CLIP1: variants seen among roughly 807,000 people sequenced by gnomAD.
CLIP1 encodes the protein CAP-Gly domain-containing linker protein 1.
A neutral mutation model predicts 161.6 loss-of-function variants in CLIP1; 66 were observed. The observed-to-expected ratio is 0.41, with a 90% confidence interval of 0.33 to 0.50. CLIP1 has a LOEUF of 0.50. Ranked by LOEUF, CLIP1 falls within the 20% of genes least tolerant of loss-of-function variation. CLIP1 has a pLI of 0.27. For synonymous variants in CLIP1, 598 were observed against 626.2 expected, an observed-to-expected ratio of 0.96 and a Z score of 0.67; for missense variants, 1,376 against 1,702.0, an observed-to-expected ratio of 0.81 and a Z score of 3.37.
chr12:122,312,935 G>A (rs1044312583), intron 19 of CLIP1, among the ~76,000 whole-genome samples: 4 of 152,156 alleles, frequency 2.6e-5, no homozygotes, highest in African/African-American at 4.8e-5. Context: ...TGAGCTCTGA[G>A]GAATAAGACT....
At chr12:122,406,876 T>A (rs1477073293) in intron 1 of CLIP1, among the ~76,000 whole-genome samples, 2 of 151,164 alleles carry the variant, frequency 1.3e-5, no homozygotes, top group East Asian at 1.9e-4. Context: ...AGATTTATAT[T>A]CCTACTACTT....
chr12:122,363,973 CCAAA>C lies in CLIP1; in HGVS notation c.782+6_782+9del, dbSNP rs1435955284. 1.9e-6 allele frequency: 3 copies of C among 1,613,916 alleles called. No homozygotes were observed. The highest frequency in any genetic ancestry group is 1.7e-6 in the Non-Finnish European group (2 of 1,179,984). ...GAGTGACACAAGATGTTGCACAACG[CCAAA>C]CAAACCTTGTTCCAGCAACAGCGCC... is the stretch of plus-strand genomic sequence containing the variant. On this transcript the variant is annotated splice_donor_region_variant and intron_variant, in intron 4 of 25. Coordinates refer to ENST00000620786, the MANE Select transcript of CLIP1 (RefSeq NM_001247997.2).
rs1336983577 is a variant in CLIP1 at position 122,347,466 on chromosome 12, A to G, written c.1415T>C (p.Leu472Pro). 1 of 1,613,344 alleles carries G rather than the reference A, an allele frequency of 6.2e-7. No individual in the cohort carries two copies. ...SEDPENTQTK[L>P]EHARIKELEQ... ...AAGCTCCTTAATGCGGGCATGCTCCAGTTTGGTCTGCGTCTGTTAGTAAAA... is the reference window on the plus strand; with the variant it reads ...AAGCTCCTTAATGCGGGCATGCTCCGGTTTGGTCTGCGTCTGTTAGTAAAA... The change falls in exon 10 of 26, where the codon CTG becomes CCG. Residue 472 changes from leucine to proline, a missense_variant. Coordinates refer to ENST00000620786, the MANE Select transcript of CLIP1 (RefSeq NM_001247997.2).
intron 10 of CLIP1, among the ~76,000 whole-genome samples, chr12:122,346,772 G>C (rs1295615330): frequency 6.6e-6 from 1 of 152,180 alleles, no homozygotes. Flanking sequence ...CAAAGTGCTG[G>C]GATAAGAAGC....
intron 18 of CLIP1, among the ~76,000 whole-genome samples, chr12:122,318,571 A>C (rs1221267267): frequency 2.6e-5 from 4 of 152,126 alleles, no homozygotes. Flanking sequence ...AAAAGCAACA[A>C]CAACAAAAAA....
At chr12:122,392,439 G>GA (rs1434502466) in intron 1 of CLIP1, among the ~76,000 whole-genome samples, 2 of 152,092 alleles carry the variant, frequency 1.3e-5, no homozygotes, top group Non-Finnish European at 2.9e-5. Context: ...TCCACATAAG[G>GA]AAAAAATTGA....
intron 1 of CLIP1, among the ~76,000 whole-genome samples, chr12:122,392,974 GT>G (rs1955726447): frequency 6.6e-6 from 1 of 151,892 alleles, no homozygotes; most frequent in Admixed American, 6.6e-5. Context: ...TAGAGACAGG[GT>G]TTCGCTATGT....
At chr12:122,289,104 C>T (rs1015807472) in intron 20 of CLIP1, among the ~76,000 whole-genome samples, 1 of 150,740 alleles carries the variant, frequency 6.6e-6, no homozygotes, top group Non-Finnish European at 1.5e-5. Flanking sequence ...GCGTGAGCCA[C>T]CGCGCCTGGC....
intron 2 of CLIP1, among the ~76,000 whole-genome samples, chr12:122,378,989 G>A (rs1954874060): frequency 1.3e-5 from 2 of 152,136 alleles, no homozygotes; most frequent in African/African-American, 4.8e-5. Context: ...GCCGGGCATG[G>A]TGGAGCGCGC....
intron 3 of CLIP1, among the ~76,000 whole-genome samples, chr12:122,369,577 A>C (rs1954333889): frequency 6.6e-6 from 1 of 152,010 alleles, no homozygotes; most frequent in South Asian, 2.1e-4. Flanking sequence ...TGAATGAGAC[A>C]GAAAGTTTCC....
intron 18 of CLIP1, among the ~76,000 whole-genome samples, chr12:122,318,978 C>A (rs192382796): frequency 1.0e-3 from 155 of 152,290 alleles, no homozygotes; most frequent in Admixed American, 1.8e-3. Context: ...CCATCAGTAC[C>A]TCCTCTCACT....
intron 1 of CLIP1, among the ~76,000 whole-genome samples, chr12:122,384,676 G>A (rs1015141617): frequency 4.0e-5 from 6 of 151,764 alleles, no homozygotes; most frequent in African/African-American, 9.7e-5. Context: ...TGGGAGAATC[G>A]CTTGAACCCA....
rs763065261 is a variant in CLIP1 at position 122,355,167 on chromosome 12, T to G, written c.1151A>C (p.His384Pro). 1.2e-6 allele frequency: 2 copies of G among 1,614,232 alleles called. No individual in the cohort carries two copies. ...TAGCTCCTGCTCTATCTCCCCCACGTGGCTCGTGGCCTTGGCCACCTCCGC... is the reference window on the plus strand; with the variant it reads ...TAGCTCCTGCTCTATCTCCCCCACGGGGCTCGTGGCCTTGGCCACCTCCGC... ...ERAEVAKATS[H>P]VGEIEQELAL... Residue 384 changes from histidine (H) to proline (P), a missense_variant, in exon 6 of 26, where the codon CAC becomes CCC. This residue lies in a region of CLIP1 where 211 missense variants were observed against 295.1 expected (regional missense o/e 0.72). Transcript: ENST00000620786. The surrounding 1 kb of genome is among the most constrained non-coding windows in gnomAD (Gnocchi z 4.1).
rs1566198620 is a variant in CLIP1 at position 122,379,943 on chromosome 12, T to TAAAA, written c.85+424_85+425insTTTT. Among the ~76,000 whole-genome samples, 90 of 70,384 alleles carry TAAAA rather than the reference T, an allele frequency of 1.3e-3. 3 individuals are homozygous for TAAAA. Among genetic ancestry groups the TAAAA allele is most frequent in the Middle Eastern group, 8.8e-3 (1 of 114 alleles). The allele number at this position is 70,384 out of a possible 152,430, so 46.2% of individuals were successfully genotyped here. A position where few individuals can be genotyped will look rare whatever the true frequency, so the allele number is the denominator to read the frequency against. ...TGGGGAATAGAGCAAGACTCCATCTTTAAAAAAAAAAAAAAAAAATGCAAG... is the reference window on the plus strand; with the variant it reads ...TGGGGAATAGAGCAAGACTCCATCTTAAAATAAAAAAAAAAAAAAAAAATGCAAG... On this transcript the variant is annotated intron_variant, in intron 2 of 25. Transcript: ENST00000620786.
chr12:122,320,231 C>A (rs1480387916), intron 17 of CLIP1, among the ~76,000 whole-genome samples: 1 of 145,492 alleles, frequency 6.9e-6, no homozygotes, highest in African/African-American at 2.6e-5. Flanking sequence ...TGCGCCACTG[C>A]ACTCCAGCCT....
At chr12:122,308,347 G>C (rs753423041) in intron 20 of CLIP1, among the ~76,000 whole-genome samples, 1 of 152,210 alleles carries the variant, frequency 6.6e-6, no homozygotes. Flanking sequence ...CTTAGCCAAA[G>C]TCCTTCTCTT....
chr12:122,309,060 A>G (rs1175046736), intron 20 of CLIP1, among the ~76,000 whole-genome samples: 1 of 152,252 alleles, frequency 6.6e-6, no homozygotes, highest in Non-Finnish European at 1.5e-5. Flanking sequence ...TGTGACTCAC[A>G]ATTCAGCACT....
At position 122,341,354 on chromosome 12, in the gene CLIP1, G is replaced by A. The variant is rs1249958629; in HGVS notation, c.1850C>T (p.Ser617Leu). The change falls in exon 11 of 26, where the codon TCA becomes TTA. Residue 617 changes from serine (S) to leucine (L), a missense_variant. Coordinates refer to ENST00000620786, the MANE Select transcript of CLIP1 (RefSeq NM_001247997.2). ...SKLEHANKEN[S>L]DVIALWKSKL... ...GGACTTCCATAGAGCTATCACATCTGAGTTCTCTTTGTTGGCATGCTCCAG... is the reference window on the plus strand; with the variant it reads ...GGACTTCCATAGAGCTATCACATCTAAGTTCTCTTTGTTGGCATGCTCCAG... 16 of 1,613,994 alleles carry A rather than the reference G, an allele frequency of 9.9e-6. No homozygotes were observed. The highest frequency in any genetic ancestry group is 1.4e-5 in the Non-Finnish European group (16 of 1,180,018).
intron 1 of CLIP1, among the ~76,000 whole-genome samples, chr12:122,409,112 A>G (rs550725944): frequency 6.6e-6 from 1 of 150,796 alleles, no homozygotes; most frequent in African/African-American, 2.4e-5. Context: ...CGCCCAGCCT[A>G]TAATATTTTT....
Sources: allele counts gnomAD v4.1 joint callset (sites outside exome capture counted in the v4.1 genomes callset), GRCh38; gene constraint gnomAD v4.1.1; regional missense constraint gnomAD v4.1.1; non-coding constraint Gnocchi (gnomAD v3.1); transcripts MANE v1.5; gene names NCBI Gene and HGNC (gene_info 2026-07-23, HGNC 2026-07-21).